Variants in SLCO3A1 observed in about 807,000 individuals in gnomAD.
The protein encoded by SLCO3A1 is solute carrier organic anion transporter family member 3A1.
In SLCO3A1, 27 loss-of-function variants were observed where a neutral mutation model predicts 63.1. That is an observed-to-expected ratio of 0.43 (90% CI 0.32 to 0.59). SLCO3A1 has a LOEUF of 0.59. Ranked by LOEUF, SLCO3A1 falls within the 20% of genes least tolerant of loss-of-function variation. The probability of loss-of-function intolerance (pLI) is 0.09; values close to 1 mark genes in which losing one functional copy is unlikely to be tolerated. For synonymous variants in SLCO3A1, 473 were observed against 409.9 expected (o/e 1.15, Z -1.86); for missense variants, 773 against 945.8 (o/e 0.82, Z 2.40).
chr15:92,126,078 T>G lies in SLCO3A1; in HGVS notation c.1192T>G (p.Cys398Gly), dbSNP rs766586845. 4 of 1,613,794 alleles carry G rather than the reference T, an allele frequency of 2.5e-6. No individual in the cohort carries two copies. The change falls in exon 6 of 10, where the codon TGT becomes GGT. Residue 398 changes from cysteine (C) to glycine (G), a missense_variant. Physicochemically the swap from Cys to Gly is radical, Grantham distance 159. Transcript: ENST00000318445. ...NQLLGMTAIPCACLGIFLGGL... is the reference protein window; with the variant it reads ...NQLLGMTAIPGACLGIFLGGL... ...CCTTCCAGGGATGACTGCGATCCCG[T>G]GTGCTTGTCTGGGTATCTTCCTGGG...
chr15:91,998,299 C>T (rs2046215115), intron 2 of SLCO3A1, among the ~76,000 whole-genome samples: 1 of 151,932 alleles, frequency 6.6e-6, no homozygotes, highest in African/African-American at 2.4e-5. Flanking sequence ...ACTAAAAATA[C>T]AAAAGTTTGC....
intron 2 of SLCO3A1, among the ~76,000 whole-genome samples, chr15:92,091,608 C>G (rs1384895588): frequency 6.6e-6 from 1 of 152,180 alleles, no homozygotes; most frequent in Non-Finnish European, 1.5e-5. Context: ...AAGGCACTTC[C>G]CGATGCACGA....
rs759940637 is a variant in SLCO3A1 at position 91,915,986 on chromosome 15, C to G, written c.181-7C>G. 9 of 1,607,680 alleles carry G rather than the reference C, an allele frequency of 5.6e-6. No homozygotes were observed. Among genetic ancestry groups the G allele is most frequent in the African/African-American group, 4.0e-5 (3 of 74,516 alleles). The stretch of plus-strand genomic sequence containing the variant: ...TTGGCTCTGACCTTTCTTCTTGCCC[C>G]CCTCAGGTGAGCGTCCTGACCACCC... On this transcript the variant is annotated splice_polypyrimidine_tract_variant and splice_region_variant and intron_variant, in intron 1 of 9. Coordinates refer to ENST00000318445, the MANE Select transcript of SLCO3A1 (RefSeq NM_013272.4).
At chr15:92,064,736 G>C (rs561229926) in intron 2 of SLCO3A1, among the ~76,000 whole-genome samples, 122 of 152,318 alleles carry the variant, frequency 8.0e-4, no homozygotes, top group African/African-American at 2.7e-3. Flanking sequence ...AACATGGATA[G>C]AACTGGAAGA....
intron 2 of SLCO3A1, among the ~76,000 whole-genome samples, chr15:91,946,233 G>T (rs1453581640): frequency 6.6e-6 from 1 of 152,208 alleles, no homozygotes; most frequent in Admixed American, 6.5e-5. Context: ...CTGCGGAGAG[G>T]TTGAGCCACT....
rs2048479671 is a variant in SLCO3A1, at chr15:92,164,810, A to C, written c.*1675A>C. On this transcript the variant is annotated 3_prime_UTR_variant, in exon 10 of 10. Coordinates refer to ENST00000318445, the MANE Select transcript of SLCO3A1 (RefSeq NM_013272.4). The stretch of plus-strand genomic sequence containing the variant: ...TTGGAAAACCTCTCGCAACCAGCAC[A>C]CTAGGCCTTCTACGGCCATTTCTGT... The C allele has an allele frequency of 1.0e-6, 1 of 985,298 alleles. No homozygotes were observed. Among genetic ancestry groups the C allele is most frequent in the Admixed American group, 6.2e-5 (1 of 16,256 alleles). The allele number at this position is 985,298 out of a possible 1,614,324, so 61.0% of individuals were successfully genotyped here.
intron 2 of SLCO3A1, among the ~76,000 whole-genome samples, chr15:91,961,028 G>A (rs1290553034): frequency 2.0e-5 from 3 of 152,046 alleles, no homozygotes; most frequent in Non-Finnish European, 4.4e-5. Flanking sequence ...ATTTTACTCC[G>A]CTCTCAGGAC....
intron 2 of SLCO3A1, among the ~76,000 whole-genome samples, chr15:92,046,244 G>A (rs2046861321): frequency 6.6e-6 from 1 of 152,136 alleles, no homozygotes; most frequent in African/African-American, 2.4e-5. Context: ...GCTGGGCGTG[G>A]TGGGTCACAC....
intron 1 of SLCO3A1, among the ~76,000 whole-genome samples, chr15:91,876,165 C>CTAATTTA (rs1897393560): frequency 6.6e-6 from 1 of 152,196 alleles, no homozygotes; most frequent in Non-Finnish European, 1.5e-5. Context: ...TTTTTAAAAG[C>CTAATTTA]CACCTCCTGC....
chr15:91,854,495 C>T lies in SLCO3A1; in HGVS notation c.180+407C>T, dbSNP rs1896862101. 1 of 394,704 alleles carries T rather than the reference C, an allele frequency of 2.5e-6. No individual in the cohort carries two copies. The highest frequency in any genetic ancestry group is 1.0e-4 in the South Asian group (1 of 9,534). The allele number at this position is 394,704 out of a possible 1,614,324, so 24.5% of individuals were successfully genotyped here. On this transcript the variant is annotated intron_variant, in intron 1 of 9. Transcript: ENST00000318445. The surrounding 1 kb of genome is among the most constrained non-coding windows in gnomAD (Gnocchi z 6.4). ...GCACATGGGAAGAAAAACCAGTTAG[C>T]ATCCTGCGTCCTCTACTCTCCATTG... is the stretch of plus-strand genomic sequence containing the variant.
chr15:91,920,820 G>T lies in SLCO3A1; in HGVS notation c.646+4362G>T, dbSNP rs138015736. Reference sequence around the variant, plus strand: ...CCTATCCCTCTTCCATATTTTGATGGCTCCCCAAATAGTTGAGCACTAACC... The same window carrying T: ...CCTATCCCTCTTCCATATTTTGATGTCTCCCCAAATAGTTGAGCACTAACC... On this transcript the variant is annotated intron_variant, in intron 2 of 9. Transcript: ENST00000318445. Among the ~76,000 whole-genome samples, 366 of 152,196 alleles carry T rather than the reference G, an allele frequency of 2.4e-3. 1 individual carries two copies. Among genetic ancestry groups the T allele is most frequent in the African/African-American group, 8.1e-3 (338 of 41,526 alleles).
chr15:92,128,426 T>A lies in SLCO3A1; in HGVS notation c.1449T>A (p.Thr483=), dbSNP rs1245699917. The A allele has an allele frequency of 1.9e-6, 3 of 1,613,960 alleles. No individual in the cohort carries two copies. Among genetic ancestry groups the A allele is most frequent in the Non-Finnish European group, 2.5e-6 (3 of 1,180,012 alleles). ...NNCECQTDSF[T]PVCGADGITY... ...GTGAATGCCAAACCGATTCCTTCAC[T>A]CCAGTGTGTGGGGCAGATGGCATCA... The change falls in exon 7 of 10, where the codon ACT becomes ACA. Residue 483 remains threonine (T), a synonymous_variant. Coordinates refer to ENST00000318445, the MANE Select transcript of SLCO3A1 (RefSeq NM_013272.4).
intron 5 of SLCO3A1, among the ~76,000 whole-genome samples, chr15:92,123,789 G>C (rs558592912): frequency 6.6e-6 from 1 of 152,270 alleles, no homozygotes; most frequent in South Asian, 2.1e-4. Flanking sequence ...CTTCAACTTT[G>C]GGCAGTGCTC....
chr15:91,969,929 T>C (rs1900798582), intron 2 of SLCO3A1, among the ~76,000 whole-genome samples: 1 of 152,218 alleles, frequency 6.6e-6, no homozygotes, highest in East Asian at 1.9e-4. Flanking sequence ...GTCATCAGTT[T>C]GGACTCTAAC....
intron 2 of SLCO3A1, among the ~76,000 whole-genome samples, chr15:92,061,141 T>C (rs946404753): frequency 2.0e-5 from 3 of 152,232 alleles, no homozygotes; most frequent in African/African-American, 7.2e-5. Flanking sequence ...TGAATTAGCA[T>C]TTTCCCTCTT....
At chr15:92,082,483 G>A (rs750574052) in intron 2 of SLCO3A1, among the ~76,000 whole-genome samples, 4 of 151,982 alleles carry the variant, frequency 2.6e-5, no homozygotes, top group South Asian at 2.1e-4. Flanking sequence ...GCCAACCCGC[G>A]TTTCCTCCTC....
chr15:91,974,904 C>G lies in SLCO3A1; in HGVS notation c.646+58446C>G, dbSNP rs141739285. On this transcript the variant is annotated intron_variant, in intron 2 of 9. Transcript: ENST00000318445. ...TCTTGCTGGCACTAGATACCCTTTACAGAGGGCCAGGCTCTGGGAGCCTCC... is the reference window on the plus strand; with the variant it reads ...TCTTGCTGGCACTAGATACCCTTTAGAGAGGGCCAGGCTCTGGGAGCCTCC... Among the ~76,000 whole-genome samples, 727 of 152,284 alleles carry G rather than the reference C, an allele frequency of 4.8e-3. 4 individuals are homozygous for G. The highest frequency in any genetic ancestry group is 0.017 in the Middle Eastern group (5 of 294).
intron 2 of SLCO3A1, among the ~76,000 whole-genome samples, chr15:91,988,096 GAT>G (rs974897035): frequency 1.3e-5 from 2 of 152,206 alleles, no homozygotes; most frequent in African/African-American, 4.8e-5. Context: ...ATAGCAAGGA[GAT>G]ATACTTTTGA....
rs544125762 is a variant in SLCO3A1 at position 92,105,629 on chromosome 15, G to A, written c.1009+1087G>A. Reference sequence around the variant, plus strand: ...AGAAGCTGCTCGGCGACTATCAGGCGAGGTATGTGTGAGGTTCCTTAATGC... The same window carrying A: ...AGAAGCTGCTCGGCGACTATCAGGCAAGGTATGTGTGAGGTTCCTTAATGC... On this transcript the variant is annotated intron_variant, in intron 4 of 9. Transcript: ENST00000318445. Among the ~76,000 whole-genome samples, 16 of 152,302 alleles carry A rather than the reference G, an allele frequency of 1.1e-4. No individual in the cohort carries two copies. The East Asian group carries it at 1.7e-3, about 17-fold the overall frequency.
Sources: gnomAD v4.1 joint callset for allele counts (sites outside exome capture counted in the v4.1 genomes callset) on GRCh38, gnomAD v4.1.1 for gene constraint, Gnocchi (gnomAD v3.1) non-coding constraint, MANE v1.5 for transcripts, NCBI Gene and HGNC (gene_info 2026-07-23, HGNC 2026-07-21) for gene names.